Variants in RPS6KC1 observed in about 807,000 individuals in gnomAD.
RPS6KC1 encodes the protein inactive ribosomal protein S6 kinase delta-1.
A neutral mutation model predicts 103.8 loss-of-function variants in RPS6KC1; 54 were observed. That is an observed-to-expected ratio of 0.52 (90% CI 0.42 to 0.65). RPS6KC1 has a LOEUF of 0.65. RPS6KC1 is among the 30% of genes least tolerant of loss of function. RPS6KC1 has a pLI of 0.00. For synonymous variants in RPS6KC1, 439 were observed against 438.7 expected (o/e 1.00, Z -0.01); for missense variants, 1,151 against 1,253.8 (o/e 0.92, Z 1.24).
the RPS6KC1 span, among the ~76,000 whole-genome samples, chr1:213,497,171 T>G: frequency 0.25 from 38,533 of 151,974 alleles, 5,515 homozygotes; most frequent in Middle Eastern, 0.38. Context: ...ACATATAGAG[T>G]ATTTGAATTA....
chr1:213,233,774 C>T (rs1297550212), intron 10 of RPS6KC1, among the ~76,000 whole-genome samples: 1 of 152,008 alleles, frequency 6.6e-6, no homozygotes, highest in South Asian at 2.1e-4. Context: ...ATTTTAGATC[C>T]TTCTTTACTA....
the RPS6KC1 span, among the ~76,000 whole-genome samples, chr1:213,531,797 C>T: frequency 3.9e-5 from 6 of 152,156 alleles, no homozygotes; most frequent in South Asian, 2.1e-4. Flanking sequence ...ACCTGTGCTG[C>T]GGTTTCCCAG....
chr1:213,490,880 G>A, the RPS6KC1 span, among the ~76,000 whole-genome samples: 1 of 152,192 alleles, frequency 6.6e-6, no homozygotes, highest in South Asian at 2.1e-4. Flanking sequence ...TGCATGGATA[G>A]GACCTCACCT....
the RPS6KC1 span, among the ~76,000 whole-genome samples, chr1:213,333,961 C>A: frequency 6.6e-6 from 1 of 152,136 alleles, no homozygotes; most frequent in Non-Finnish European, 1.5e-5. Context: ...GGATTATAGG[C>A]GTGAGCCACT....
chr1:213,574,288 C>T, the RPS6KC1 span, among the ~76,000 whole-genome samples: 4 of 152,148 alleles, frequency 2.6e-5, no homozygotes, highest in Non-Finnish European at 4.4e-5. Flanking sequence ...TCCCTCCTTC[C>T]AAACTCTGAT....
chr1:213,596,137 G>C, the RPS6KC1 span, among the ~76,000 whole-genome samples: 17 of 152,146 alleles, frequency 1.1e-4, no homozygotes, highest in East Asian at 3.1e-3. Flanking sequence ...TTGATTAGAG[G>C]AGGAAGGCAG....
chr1:213,239,725 A>G (rs1282153939), intron 10 of RPS6KC1, among the ~76,000 whole-genome samples: 2 of 152,174 alleles, frequency 1.3e-5, no homozygotes, highest in African/African-American at 2.4e-5. Flanking sequence ...CTTTGCAACT[A>G]CAATTCTGTC....
chr1:213,218,903 C>G (rs896239674), intron 8 of RPS6KC1, among the ~76,000 whole-genome samples: 5 of 152,210 alleles, frequency 3.3e-5, no homozygotes, highest in Non-Finnish European at 7.3e-5. Flanking sequence ...AGACCTAAAA[C>G]TGTAAAAGCC....
the RPS6KC1 span, among the ~76,000 whole-genome samples, chr1:213,466,650 G>T: frequency 6.6e-6 from 1 of 152,180 alleles, no homozygotes; most frequent in African/African-American, 2.4e-5. Context: ...TTTTCAGGAT[G>T]CTCTAAGGCC....
chr1:213,428,517 CCTCTTTCTCT>C, the RPS6KC1 span, among the ~76,000 whole-genome samples: 19 of 48,928 alleles, frequency 3.9e-4, no homozygotes, highest in African/African-American at 1.2e-3. Context: ...TTCCTTCCTT[CCTCTTTCTCT>C]CTCTCTCTCT....
the RPS6KC1 span, among the ~76,000 whole-genome samples, chr1:213,348,521 C>T: frequency 6.6e-6 from 1 of 152,100 alleles, no homozygotes; most frequent in Admixed American, 6.5e-5. Context: ...GAGGATGACA[C>T]CAACACCAAG....
At chr1:213,195,255 G>A (rs569053622) in intron 8 of RPS6KC1, among the ~76,000 whole-genome samples, 1 of 152,218 alleles carries the variant, frequency 6.6e-6, no homozygotes, top group African/African-American at 2.4e-5. Context: ...AGATGACATA[G>A]AACTATTAAT....
chr1:213,719,061 G>A, the RPS6KC1 span, among the ~76,000 whole-genome samples: 1 of 152,198 alleles, frequency 6.6e-6, no homozygotes, highest in Non-Finnish European at 1.5e-5. Context: ...GTTAACAGAG[G>A]CCTGTGCCAT....
intron 1 of RPS6KC1, among the ~76,000 whole-genome samples, chr1:213,053,655 T>G (rs1175005328): frequency 1.3e-5 from 2 of 151,950 alleles, no homozygotes; most frequent in African/African-American, 2.4e-5. Flanking sequence ...TATGTACCAA[T>G]CAAGATAGTT....
chr1:213,591,161 A>G, the RPS6KC1 span, among the ~76,000 whole-genome samples: 1 of 152,042 alleles, frequency 6.6e-6, no homozygotes, highest in Non-Finnish European at 1.5e-5. Flanking sequence ...TACTGTGGAA[A>G]CTGGGTGAGA....
At chr1:213,400,645 A>T in the RPS6KC1 span, among the ~76,000 whole-genome samples, 2 of 152,062 alleles carry the variant, frequency 1.3e-5, no homozygotes, top group African/African-American at 4.8e-5. Context: ...CCTGACACCA[A>T]GTTCCCTGTT....
At chr1:213,641,533 G>C in the RPS6KC1 span, among the ~76,000 whole-genome samples, 21,155 of 151,992 alleles carry the variant, frequency 0.14, 2,318 homozygotes, top group African/African-American at 0.31. Context: ...CATGTGTGTA[G>C]TACCAAGTGG....
At chr1:213,195,980 C>T (rs1234997801) in intron 8 of RPS6KC1, among the ~76,000 whole-genome samples, 1 of 152,062 alleles carries the variant, frequency 6.6e-6, no homozygotes, top group Non-Finnish European at 1.5e-5. Context: ...ACTTCTTTTC[C>T]TCTGGGTAGA....
At chr1:213,594,266 CAG>C in the RPS6KC1 span, among the ~76,000 whole-genome samples, 2 of 152,132 alleles carry the variant, frequency 1.3e-5, no homozygotes, top group Non-Finnish European at 1.5e-5. Flanking sequence ...AGCATACAAA[CAG>C]AGATATGCTA....
Sources: gnomAD v4.1 joint callset for allele counts (sites outside exome capture counted in the v4.1 genomes callset) on GRCh38, gnomAD v4.1.1 for gene constraint, MANE v1.5 for transcripts, NCBI Gene and HGNC (gene_info 2026-07-23, HGNC 2026-07-21) for gene names.